The following LCA5 variants were observed in gnomAD, a reference collection of about 807,000 sequenced individuals.
The protein encoded by LCA5 is lebercilin LCA5.
LCA5 carries 37 observed loss-of-function variants against 53.0 expected under a neutral mutation model. The observed-to-expected ratio is 0.70, with a 90% CI of 0.54 to 0.92. The LOEUF (loss-of-function observed/expected upper bound fraction) is 0.92. Ranked by LOEUF, LCA5 falls within the 40% of genes least tolerant of loss-of-function variation. LCA5 has a pLI of 0.00. For synonymous variants in LCA5, 303 were observed against 282.9 expected (o/e 1.07, Z -0.71); for missense variants, 806 against 790.5 (o/e 1.02, Z -0.23).
chr6:79,506,362 T>G (rs1380915089), intron 3 of LCA5, among the ~76,000 whole-genome samples: 3 of 152,196 alleles, frequency 2.0e-5, no homozygotes, highest in Non-Finnish European at 2.9e-5. Context: ...TCATAATGCT[T>G]AGAAGACAGT....
At chr6:79,536,803 G>A (rs562699857) in intron 1 of LCA5, among the ~76,000 whole-genome samples, 1 of 152,098 alleles carries the variant, frequency 6.6e-6, no homozygotes, top group South Asian at 2.1e-4. Context: ...TGTTTTGTTT[G>A]TTTTAATAAC....
intron 2 of LCA5, among the ~76,000 whole-genome samples, chr6:79,517,525 A>G (rs1766474419): frequency 1.3e-5 from 2 of 152,122 alleles, no homozygotes; most frequent in African/African-American, 4.8e-5. Flanking sequence ...CAACTACAAA[A>G]TTATAACAAG....
chr6:79,530,895 C>A (rs1357778631), intron 1 of LCA5, among the ~76,000 whole-genome samples: 1 of 151,854 alleles, frequency 6.6e-6, no homozygotes, highest in Non-Finnish European at 1.5e-5. Flanking sequence ...AAAAAAGAAA[C>A]AAATAACGAT....
chr6:79,529,548 T>C (rs117362262), intron 1 of LCA5, among the ~76,000 whole-genome samples: 3,865 of 152,128 alleles, frequency 0.025, 60 homozygotes, highest in Middle Eastern at 0.072. Context: ...CCTTATAAGG[T>C]ATCCTTATAA....
At chr6:79,531,978 A>G (rs1766973336) in intron 1 of LCA5, among the ~76,000 whole-genome samples, 2 of 152,126 alleles carry the variant, frequency 1.3e-5, no homozygotes, top group South Asian at 2.1e-4. Context: ...TGACAATTCT[A>G]TTTGGATATC....
intron 2 of LCA5, among the ~76,000 whole-genome samples, chr6:79,516,825 A>G (rs1046661059): frequency 1.3e-5 from 2 of 151,924 alleles, no homozygotes; most frequent in Admixed American, 1.3e-4. Flanking sequence ...TTTTTTTAAC[A>G]TAGTAAAAAT....
chr6:79,525,327 C>T (rs1766751703), intron 1 of LCA5: 2 of 152,158 alleles, frequency 1.3e-5, no homozygotes, highest in South Asian at 2.1e-4. Context: ...GAAATCCCCT[C>T]GTTTTAGCAG....
At position 79,533,990 on chromosome 6, in the gene LCA5, G is replaced by A. The variant is rs75901600; in HGVS notation, c.-192+3175C>T. On this transcript the variant is annotated intron_variant, in intron 1 of 7. Coordinates refer to ENST00000369846, the MANE Select transcript of LCA5 (RefSeq NM_001122769.3). ...ATAAATAAGGACATTTCTCCTCCCC[G>A]CAAAAAAGATGAGATAAAAGTAAAA... Among the ~76,000 whole-genome samples the A allele has an allele frequency of 1.5e-3, 220 of 150,320 alleles. 2 individuals are homozygous for A. Among genetic ancestry groups the A allele is most frequent in the African/African-American group, 4.6e-3 (190 of 41,174 alleles).
Position 79,497,012 on chromosome 6 carries a change from G to T in LCA5, c.721-3262C>A, listed in dbSNP as rs142806121. Among the ~76,000 whole-genome samples, 1,448 of 152,062 alleles carry T rather than the reference G, an allele frequency of 9.5e-3. 30 individuals carry two copies. The highest frequency in any genetic ancestry group is 0.034 in the African/African-American group (1,395 of 41,496). On this transcript the variant is annotated intron_variant, in intron 3 of 7. Transcript: ENST00000369846. ...ACTAAAGTTAATTGTCATGTTTATT[G>T]CCCATCCATATTCTTCATGAAATGT...
intron 3 of LCA5, among the ~76,000 whole-genome samples, chr6:79,503,460 A>C (rs141390202): frequency 1.4e-4 from 22 of 152,328 alleles, no homozygotes; most frequent in African/African-American, 5.0e-4. Flanking sequence ...TTTTTAAAAA[A>C]ACAGTAGAAC....
chr6:79,519,657 C>T (rs1157896782), intron 1 of LCA5, among the ~76,000 whole-genome samples: 3 of 143,904 alleles, frequency 2.1e-5, no homozygotes, highest in Non-Finnish European at 4.5e-5. Flanking sequence ...GCCGAGGTTG[C>T]AGTTAGCCAA....
At chr6:79,489,745 C>G (rs1047961925) in intron 6 of LCA5, among the ~76,000 whole-genome samples, 1 of 152,012 alleles carries the variant, frequency 6.6e-6, no homozygotes, top group Non-Finnish European at 1.5e-5. Flanking sequence ...TGTGATTTTT[C>G]TTAATAAAAG....
In LCA5 at chr6:79,487,838, C is replaced by T. The variant is rs141642284; in HGVS notation, c.1260G>A (p.Lys420=). The change falls in exon 8 of 8, where the codon AAG becomes AAA. Residue 420 remains lysine (K), a synonymous_variant. Coordinates refer to ENST00000369846, the MANE Select transcript of LCA5 (RefSeq NM_001122769.3). ...DEWEREELDK[K]QKEKASLLER... ...CCAGTAAAGATGCCTTTTCTTTTTG[C>T]TTTTTATCAAGTTCTTCTCTTTCCC... 218 of 1,607,600 alleles carry T rather than the reference C, an allele frequency of 1.4e-4. No homozygotes were observed. Among genetic ancestry groups the T allele is most frequent in the Non-Finnish European group, 1.5e-4 (178 of 1,177,924 alleles).
At chr6:79,529,753 A>G (rs1310316961) in intron 1 of LCA5, among the ~76,000 whole-genome samples, 3 of 152,046 alleles carry the variant, frequency 2.0e-5, no homozygotes, top group Non-Finnish European at 4.4e-5. Flanking sequence ...GCACATATAC[A>G]CCATGGAATA....
Position 79,513,396 on chromosome 6 carries a change from T to TA in LCA5, c.535_536insT (p.Gln179LeufsTer8), listed in dbSNP as rs1766311263. On this transcript the variant is annotated frameshift_variant, in exon 3 of 8. Transcript: ENST00000369846. LOFTEE classifies it high-confidence loss of function. ...TTTCTCAGTTGCCCGTTCTTTCTCT[T>TA]GAGATTTTCTTAAGCGTTCTTTGAG... is the stretch of plus-strand genomic sequence containing the variant. 6.2e-7 allele frequency: 1 copy of TA among 1,613,802 alleles called. No individual in the cohort carries two copies. The highest frequency in any genetic ancestry group is 8.5e-7 in the Non-Finnish European group (1 of 1,179,756).
intron 3 of LCA5, among the ~76,000 whole-genome samples, chr6:79,495,536 G>A (rs570027242): frequency 1.6e-4 from 25 of 152,084 alleles, no homozygotes; most frequent in Admixed American, 5.2e-4. Flanking sequence ...GGGATCACAA[G>A]GCCAGGAGAT....
chr6:79,535,900 A>T (rs1336892017), intron 1 of LCA5, among the ~76,000 whole-genome samples: 2 of 152,220 alleles, frequency 1.3e-5, no homozygotes, highest in African/African-American at 4.8e-5. Context: ...AAAGGAGTTG[A>T]AGAATGACAG....
In LCA5 at chr6:79,487,822, A is replaced by G; in HGVS notation, c.1276T>C (p.Ser426Pro). 1 of 1,608,960 alleles carries G rather than the reference A, an allele frequency of 6.2e-7. No individual in the cohort carries two copies. The highest frequency in any genetic ancestry group is 8.5e-7 in the Non-Finnish European group (1 of 1,178,460). ...GGCTTTTCTTCTCTTTCCAGTAAAG[A>G]TGCCTTTTCTTTTTGCTTTTTATCA... is the stretch of plus-strand genomic sequence containing the variant. ...ELDKKQKEKA[S>P]LLEREEKPEW... Residue 426 changes from serine (S) to proline (P), a missense_variant, in exon 8 of 8, where the codon TCT becomes CCT. Transcript: ENST00000369846.
chr6:79,536,694 T>C (rs1003853624), intron 1 of LCA5, among the ~76,000 whole-genome samples: 14 of 152,204 alleles, frequency 9.2e-5, no homozygotes, highest in Non-Finnish European at 2.1e-4. Context: ...ATAACACATC[T>C]ATTATTATCC....
Sources: allele counts gnomAD v4.1 joint callset (sites outside exome capture counted in the v4.1 genomes callset), GRCh38; gene constraint gnomAD v4.1.1; transcripts MANE v1.5; gene names NCBI Gene and HGNC (gene_info 2026-07-23, HGNC 2026-07-21).